DSC1: variants seen among roughly 807,000 people sequenced by gnomAD.
The protein encoded by DSC1 is desmocollin 1, also known as desmocollin-1.
Under a neutral mutation model 98.8 loss-of-function variants are expected in DSC1, and 79 were observed. That is an observed-to-expected ratio of 0.80 (90% confidence interval 0.67 to 0.96). DSC1 has a LOEUF of 0.96. DSC1 is among the 50% of genes least tolerant of loss of function. The pLI, the probability that DSC1 is intolerant of heterozygous loss-of-function variation, is 0.00. For missense variants in DSC1, 1,115 were observed against 1,075.9 expected, an observed-to-expected ratio of 1.04 and a Z score of -0.51; for synonymous variants, 405 against 372.1, an observed-to-expected ratio of 1.09 and a Z score of -1.02.
intron 15 of DSC1, 158 bp from the exon 16 acceptor site, chr18:31,130,869 G>A (rs752541448): frequency 1.3e-6 from 2 of 1,574,622 alleles, no homozygotes; most frequent in East Asian, 4.5e-5. Flanking sequence ...GGATTGGTCT[G>A]TATTATAGTC....
At chr18:31,146,137 G>A (rs541892820) in intron 6 of DSC1, among the ~76,000 whole-genome samples, 2 of 152,162 alleles carry the variant, frequency 1.3e-5, no homozygotes, top group Non-Finnish European at 2.9e-5. Context: ...TTTGTTACAG[G>A]GGTATATTGT....
intron 4 of DSC1, 94 bp from the exon 5 acceptor site, chr18:31,155,023 C>A: frequency 7.4e-7 from 1 of 1,358,352 alleles, no homozygotes; most frequent in Non-Finnish European, 1.0e-6. Flanking sequence ...CACTACCCCT[C>A]TTTCCTACTC....
At chr18:31,140,751 C>T (rs1036307514) in intron 9 of DSC1, among the ~76,000 whole-genome samples, 11 of 152,180 alleles carry the variant, frequency 7.2e-5, no homozygotes, top group Admixed American at 2.6e-4. Context: ...TATTTAACAG[C>T]ACCTTTTCAA....
chr18:31,143,489 C>G (rs1409749935), intron 8 of DSC1, among the ~76,000 whole-genome samples, 168 bp downstream of exon 8: 1 of 152,072 alleles, frequency 6.6e-6, no homozygotes, highest in Non-Finnish European at 1.5e-5. Flanking sequence ...ATAACTAGTA[C>G]TTCAATTATT....
chr18:31,148,419 A>G (rs1988891400), intron 6 of DSC1, 79 bp downstream of exon 6: 1 of 1,427,802 alleles, frequency 7.0e-7, no homozygotes, highest in Admixed American at 2.3e-5. Context: ...GCAATGATAA[A>G]ACGTAAACAT....
intron 13 of DSC1, 134 bp downstream of exon 13, chr18:31,133,757 A>T: frequency 1.1e-6 from 1 of 908,792 alleles, no homozygotes; most frequent in South Asian, 2.1e-5. Flanking sequence ...GAGCCCCAAG[A>T]CATAAAATAG....
chr18:31,138,067 G>A (rs911876506), intron 11 of DSC1, among the ~76,000 whole-genome samples: 1 of 151,574 alleles, frequency 6.6e-6, no homozygotes, highest in African/African-American at 2.4e-5. Flanking sequence ...TCACTAAAAT[G>A]TGTAACATCC....
At chr18:31,132,331 C>A (rs1988512169) in intron 14 of DSC1, 3 of 436,840 alleles carry the variant, frequency 6.9e-6, no homozygotes, top group African/African-American at 4.1e-5. Flanking sequence ...GATTTCTAGT[C>A]TCCAGATCTG....
chr18:31,130,670 A>G lies in DSC1; in HGVS notation c.2529T>C (p.Cys843=). 1 of 1,614,198 alleles carries G rather than the reference A, an allele frequency of 6.2e-7. No homozygotes were observed. The highest frequency in any genetic ancestry group is 8.5e-7 in the Non-Finnish European group (1 of 1,180,028). Reference sequence around the variant, plus strand: ...AGTTATACGAACAAACGTAGTCTTCACAATGTTTATGCTCCTCATCTTGTC... The same window carrying G: ...AGTTATACGAACAAACGTAGTCTTCGCAATGTTTATGCTCCTCATCTTGTC... The part of the protein sequence containing the change: ...LCGQDEEHKH[C]EDYVCSYNYE... Residue 843 remains cysteine, a synonymous_variant, in exon 16 of 16, where the codon TGT becomes TGC. Transcript: ENST00000257198.
At chr18:31,130,947 A>G (rs1417644048) in intron 15 of DSC1, 3 of 982,164 alleles carry the variant, frequency 3.1e-6, no homozygotes, top group African/African-American at 3.3e-5. Context: ...GACTACGCAT[A>G]TATCACGCAA....
chr18:31,145,900 G>C (rs1407490831), intron 6 of DSC1, 123 bp from the exon 7 acceptor site: 2 of 1,049,772 alleles, frequency 1.9e-6, no homozygotes, highest in African/African-American at 3.2e-5. Flanking sequence ...TAGTTCTACT[G>C]TTAAGTTGAC....
intron 14 of DSC1, 49 bp from the exon 15 acceptor site, chr18:31,131,891 A>G (rs748040637): frequency 6.2e-7 from 1 of 1,601,048 alleles, no homozygotes; most frequent in Non-Finnish European, 8.5e-7. Flanking sequence ...ATGGAAACTA[A>G]CAATTCATTT....
chr18:31,133,903 C>G lies in DSC1; in HGVS notation c.2104G>C (p.Val702Leu). The G allele has an allele frequency of 1.2e-6, 2 of 1,612,148 alleles. No individual in the cohort carries two copies. The highest frequency in any genetic ancestry group is 3.3e-4 in the Middle Eastern group (2 of 6,048). ...WAILAMVLGS[V>L]LLLCILFTCF... is the part of the protein sequence containing the mutation. ...TTAATATACTTACATAATAACAATA[C>G]AGAACCCAACACCATAGCAAGAATA... Residue 702 changes from valine to leucine, a missense_variant, in exon 13 of 16, where the codon GTA becomes CTA. Val to Leu is a conservative substitution (Grantham distance 32). Coordinates refer to ENST00000257198, the MANE Select transcript of DSC1 (RefSeq NM_024421.2).
Position 31,134,014 on chromosome 18 carries a change from A to G in DSC1, c.1993T>C (p.Cys665Arg), listed in dbSNP as rs1049462306. Residue 665 changes from cysteine (C) to arginine (R), a missense_variant, in exon 13 of 16, where the codon TGT (cysteine) becomes CGT (arginine). Physicochemically the swap from Cys to Arg is radical, Grantham distance 180. Transcript: ENST00000257198. The stretch of plus-strand genomic sequence containing the variant: ...CACTCAGATGGAGTTGAACAGTCAC[A>G]TACTCTCACTGTTAACATATGTGTT... ...VATHMLTVRV[C>R]DCSTPSECRM... 18 of 1,613,214 alleles carry G rather than the reference A, an allele frequency of 1.1e-5. No individual in the cohort carries two copies. The African/African-American group carries it at 1.9e-4, about 17-fold the overall frequency.
chr18:31,160,347 A>T (rs1370278728), intron 1 of DSC1, among the ~76,000 whole-genome samples: 1 of 152,186 alleles, frequency 6.6e-6, no homozygotes, highest in Non-Finnish European at 1.5e-5. Flanking sequence ...TTATTTAAAT[A>T]TAAGATAGAG....
At chr18:31,157,279 A>AT in intron 3 of DSC1, 92 bp downstream of exon 3, 1 of 1,324,086 alleles carries the variant, frequency 7.6e-7, no homozygotes, top group Non-Finnish European at 1.0e-6. Context: ...AATAGCATAG[A>AT]TTTTAACATG....
At chr18:31,150,636 T>A (rs77300285) in intron 5 of DSC1, among the ~76,000 whole-genome samples, 33,775 of 151,964 alleles carry the variant, frequency 0.22, 4,293 homozygotes, top group East Asian at 0.56. Context: ...ATCATCATTA[T>A]CATCATCACT....
Position 31,131,639 on chromosome 18 carries a change from A to G in DSC1, c.2442T>C (p.Tyr814=), listed in dbSNP as rs377191170. 15 of 1,613,980 alleles carry G rather than the reference A, an allele frequency of 9.3e-6. No homozygotes were observed. The highest frequency in any genetic ancestry group is 2.2e-5 in the South Asian group (2 of 91,092). The part of the protein sequence containing the change: ...KGVGQGDTGR[Y]AYTDWQSFTQ... ...TGAAACTCTGCCAGTCCGTGTACGC[A>G]TATCTGCCAGTATCTCCCTGCCCCA... Residue 814 remains tyrosine, a synonymous_variant, in exon 15 of 16, where the codon TAT becomes TAC. Transcript: ENST00000257198.
Position 31,142,202 on chromosome 18 carries a change from T to G in DSC1, c.1075-18A>C. ...GTAACATACTGAAAGAATTGCCCCT[T>G]ATTATTATCAATTTACAACTTTGAC... On this transcript the variant is annotated intron_variant, in intron 8 of 15. Coordinates refer to ENST00000257198, the MANE Select transcript of DSC1 (RefSeq NM_024421.2). The G allele has an allele frequency of 6.3e-7, 1 of 1,591,350 alleles. No homozygotes were observed. Among genetic ancestry groups the G allele is most frequent in the Non-Finnish European group, 8.5e-7 (1 of 1,174,450 alleles).
Sources: allele counts gnomAD v4.1 joint callset (sites outside exome capture counted in the v4.1 genomes callset), GRCh38; gene constraint gnomAD v4.1.1; transcripts MANE v1.5; gene names NCBI Gene and HGNC (gene_info 2026-07-23, HGNC 2026-07-21).